Variants in DERA observed in about 807,000 individuals in gnomAD.
DERA encodes deoxyribose-phosphate aldolase, also known as 2-deoxy-D-ribose 5-phosphate aldolase.
A neutral mutation model predicts 41.1 loss-of-function variants in DERA; 15 were observed. That is an observed-to-expected ratio of 0.37 (90% confidence interval 0.24 to 0.56). The LOEUF is 0.56. Among genes scored for constraint, DERA ranks in the 20% least tolerant of loss-of-function variants. The probability of loss-of-function intolerance (pLI) is 0.81; values close to 1 mark genes in which losing one functional copy is unlikely to be tolerated. For missense variants in DERA, 396 were observed against 403.4 expected, an observed-to-expected ratio of 0.98 and a Z score of 0.16; for synonymous variants, 139 against 137.4, an observed-to-expected ratio of 1.01 and a Z score of -0.08.
chr12:15,942,267 T>G (rs1041245181), intron 1 of DERA, among the ~76,000 whole-genome samples: 1 of 152,224 alleles, frequency 6.6e-6, no homozygotes, highest in Non-Finnish European at 1.5e-5. Context: ...ATGCTATTCT[T>G]TTGTCGGATG....
At position 15,989,630 on chromosome 12, in the gene DERA, G is replaced by A. The variant is rs962921524; in HGVS notation, c.637+7194G>A. Among the ~76,000 whole-genome samples the A allele has an allele frequency of 3.9e-5, 6 of 152,174 alleles. No individual in the cohort carries two copies. The highest frequency in any genetic ancestry group is 3.8e-4 in the East Asian group (2 of 5,200). On this transcript the variant is annotated intron_variant, in intron 6 of 8. Transcript: ENST00000428559. The surrounding 1 kb of genome is among the most constrained non-coding windows in gnomAD (Gnocchi z 5.2). ...GGCGAGTCTGGTGACATTCTGTTAT[G>A]TCTGTTATTCTTCTCTGTTTTTGTT...
At chr12:15,963,019 G>GA (rs1948599180) in intron 5 of DERA, 72 bp downstream of exon 5, 4 of 1,536,560 alleles carry the variant, frequency 2.6e-6, no homozygotes, top group Non-Finnish European at 8.8e-7. Flanking sequence ...GGTAAGATGT[G>GA]GTATGTTTTA....
intron 1 of DERA, among the ~76,000 whole-genome samples, chr12:15,917,011 A>T (rs1948205500): frequency 6.6e-6 from 1 of 152,094 alleles, no homozygotes. Context: ...CTACGTCTGG[A>T]GTTTCTCTTA....
chr12:16,029,740 G>T (rs1439910395), intron 6 of DERA, among the ~76,000 whole-genome samples: 1 of 151,976 alleles, frequency 6.6e-6, no homozygotes, highest in Non-Finnish European at 1.5e-5. Flanking sequence ...TGTAGCTACT[G>T]CTGGGCTACT....
At chr12:15,926,563 C>T (rs58625897) in intron 1 of DERA, among the ~76,000 whole-genome samples, 1 of 151,696 alleles carries the variant, frequency 6.6e-6, no homozygotes, top group Non-Finnish European at 1.5e-5. Context: ...GGTGAAACAG[C>T]GTCTCTACTA....
intron 6 of DERA, among the ~76,000 whole-genome samples, chr12:15,991,716 CACATTT>C (rs1302927069): frequency 6.6e-6 from 1 of 152,122 alleles, no homozygotes; most frequent in Non-Finnish European, 1.5e-5. Flanking sequence ...ATGATCTATG[CACATTT>C]ACATTTAATC....
In DERA at chr12:15,957,504, T is replaced by G. The variant is rs1948548926; in HGVS notation, c.129+471T>G. On this transcript the variant is annotated intron_variant, in intron 2 of 8. Coordinates refer to ENST00000428559, the MANE Select transcript of DERA (RefSeq NM_015954.4). This position sits in a 1 kb window ranked among gnomAD's most constrained non-coding sequence, Gnocchi z 4.8. ...TCAAAATTCCAAAAATGATGTTTCG[T>G]AGAGTACTTGCGGTCAGCATTTTCT... Among the ~76,000 whole-genome samples the G allele has an allele frequency of 6.6e-6, 1 of 152,218 alleles. No individual in the cohort carries two copies. Among genetic ancestry groups the G allele is most frequent in the South Asian group, 2.1e-4 (1 of 4,830 alleles).
At position 16,009,565 on chromosome 12, in the gene DERA, C is replaced by T. The variant is rs184385458; in HGVS notation, c.638-22977C>T. Among the ~76,000 whole-genome samples the T allele has an allele frequency of 7.9e-5, 12 of 152,294 alleles. No individual in the cohort carries two copies. The highest frequency in any genetic ancestry group is 2.9e-4 in the African/African-American group (12 of 41,562). On this transcript the variant is annotated intron_variant, in intron 6 of 8. Transcript: ENST00000428559. The surrounding 1 kb of genome is among the most constrained non-coding windows in gnomAD (Gnocchi z 5.3). Reference sequence around the variant, plus strand: ...CTGTTCACTGTCTCTAACCCAGTTTCCCAAATGCCTTTTTACTTTGTAGGT... The same window carrying T: ...CTGTTCACTGTCTCTAACCCAGTTTTCCAAATGCCTTTTTACTTTGTAGGT...
intron 1 of DERA, among the ~76,000 whole-genome samples, chr12:15,953,896 T>C (rs1442871538): frequency 1.3e-5 from 2 of 152,186 alleles, no homozygotes; most frequent in African/African-American, 4.8e-5. Flanking sequence ...ACATAATTCA[T>C]TGCCATGGGA....
Position 15,980,577 on chromosome 12 carries a change from T to A in DERA, c.509-1731T>A, listed in dbSNP as rs3782536. On this transcript the variant is annotated intron_variant, in intron 5 of 8. Transcript: ENST00000428559. Reference sequence around the variant, plus strand: ...CCATAGTCTATTACTATTTTTAACATTCTTACACAGGTTGTCATATTGGAG... The same window carrying A: ...CCATAGTCTATTACTATTTTTAACAATCTTACACAGGTTGTCATATTGGAG... Among the ~76,000 whole-genome samples, 851 of 152,328 alleles carry A rather than the reference T, an allele frequency of 5.6e-3. 30 individuals carry two copies. In the East Asian group the frequency reaches 0.11, roughly 19 times the overall value.
rs530541080 is a variant in DERA at position 15,987,924 on chromosome 12, C to T, written c.637+5488C>T. On this transcript the variant is annotated intron_variant, in intron 6 of 8. Coordinates refer to ENST00000428559, the MANE Select transcript of DERA (RefSeq NM_015954.4). ...GGCAAGGGATGTGTGAGTGAGTGCA[C>T]GCGGGGTCCAGCCACTGTGCACAGC... Among the ~76,000 whole-genome samples, 94 of 152,196 alleles carry T rather than the reference C, an allele frequency of 6.2e-4. 1 individual carries two copies. Among genetic ancestry groups the T allele is most frequent in the Non-Finnish European group, 4.9e-4 (33 of 67,990 alleles).
chr12:16,015,373 G>GA (rs1176207891), intron 6 of DERA, among the ~76,000 whole-genome samples: 2 of 152,180 alleles, frequency 1.3e-5, no homozygotes, highest in Non-Finnish European at 2.9e-5. Context: ...TGCTGTTCTT[G>GA]TGACAGGAAG....
At chr12:15,963,807 C>T (rs1407307485) in intron 5 of DERA, among the ~76,000 whole-genome samples, 1 of 152,056 alleles carries the variant, frequency 6.6e-6, no homozygotes, top group Admixed American at 6.6e-5. Context: ...AGGATTTTAT[C>T]TCTTATTTAA....
chr12:15,992,173 C>T lies in DERA; in HGVS notation c.637+9737C>T, dbSNP rs1271374164. On this transcript the variant is annotated intron_variant, in intron 6 of 8. Transcript: ENST00000428559. The surrounding 1 kb of genome is among the most constrained non-coding windows in gnomAD (Gnocchi z 4.3). ...TATCAAACCTGGCATATAGTAGAGC[C>T]TAAGAATATATTTCCATATACACCA... is the stretch of plus-strand genomic sequence containing the variant. 6.6e-6 allele frequency among the ~76,000 whole-genome samples: 1 copy of T among 151,202 alleles called. No homozygotes were observed. The highest frequency in any genetic ancestry group is 1.5e-5 in the Non-Finnish European group (1 of 67,814).
chr12:15,970,840 C>CAA lies in DERA; in HGVS notation c.508+7894_508+7895dup, dbSNP rs1948654592. On this transcript the variant is annotated intron_variant, in intron 5 of 8. Transcript: ENST00000428559. This position sits in a 1 kb window ranked among gnomAD's most constrained non-coding sequence, Gnocchi z 4.3. The stretch of plus-strand genomic sequence containing the variant: ...AAATTCAGATTCCATTCCACCAAAG[C>CAA]AACATGAAAAAACCTAATGTCTAGT... 6.6e-6 allele frequency among the ~76,000 whole-genome samples: 1 copy of CAA among 152,136 alleles called. No individual in the cohort carries two copies. Among genetic ancestry groups the CAA allele is most frequent in the Non-Finnish European group, 1.5e-5 (1 of 68,014 alleles).
Position 15,943,122 on chromosome 12 carries a change from T to A in DERA, c.32-13814T>A, listed in dbSNP as rs1388398490. 6.6e-6 allele frequency among the ~76,000 whole-genome samples: 1 copy of A among 152,224 alleles called. No individual in the cohort carries two copies. Among genetic ancestry groups the A allele is most frequent in the Non-Finnish European group, 1.5e-5 (1 of 68,048 alleles). On this transcript the variant is annotated intron_variant, in intron 1 of 8. Transcript: ENST00000428559. The surrounding 1 kb of genome is among the most constrained non-coding windows in gnomAD (Gnocchi z 4.5). ...ACTCTTCCACACACTTACCTGAGGCTGTTTATGGGTAGTGAGCAGAGGAAG... is the reference window on the plus strand; with the variant it reads ...ACTCTTCCACACACTTACCTGAGGCAGTTTATGGGTAGTGAGCAGAGGAAG...
chr12:15,984,953 C>A lies in DERA; in HGVS notation c.637+2517C>A, dbSNP rs1264816294. On this transcript the variant is annotated intron_variant, in intron 6 of 8. Coordinates refer to ENST00000428559, the MANE Select transcript of DERA (RefSeq NM_015954.4). This position sits in a 1 kb window ranked among gnomAD's most constrained non-coding sequence, Gnocchi z 4.5. ...TCTGACTAAATTCTGTATTCTACTT[C>A]TGTGGTGGTATAAAAAATTTTTTCT... Among the ~76,000 whole-genome samples, 5 of 152,168 alleles carry A rather than the reference C, an allele frequency of 3.3e-5. No homozygotes were observed. Among genetic ancestry groups the A allele is most frequent in the African/African-American group, 9.7e-5 (4 of 41,434 alleles).
rs1948897201 is a variant in DERA at position 16,004,542 on chromosome 12, C to A, written c.637+22106C>A. Among the ~76,000 whole-genome samples the A allele has an allele frequency of 6.6e-6, 1 of 152,042 alleles. No individual in the cohort carries two copies. Among genetic ancestry groups the A allele is most frequent in the African/African-American group, 2.4e-5 (1 of 41,408 alleles). On this transcript the variant is annotated intron_variant, in intron 6 of 8. Coordinates refer to ENST00000428559, the MANE Select transcript of DERA (RefSeq NM_015954.4). The surrounding 1 kb of genome is among the most constrained non-coding windows in gnomAD (Gnocchi z 4.2). ...AGGAAAAGAGGCATCCCAGTACTTT[C>A]TGACAGAGGAAGAAAGAAAAGGACT...
At chr12:16,015,905 C>T (rs1331774347) in intron 6 of DERA, among the ~76,000 whole-genome samples, 2 of 152,128 alleles carry the variant, frequency 1.3e-5, no homozygotes, top group Admixed American at 6.5e-5. Context: ...TCCTTTCTCC[C>T]TCATGAACTC....
Sources: gnomAD v4.1 joint callset for allele counts (sites outside exome capture counted in the v4.1 genomes callset) on GRCh38, gnomAD v4.1.1 for gene constraint, Gnocchi (gnomAD v3.1) non-coding constraint, MANE v1.5 for transcripts, NCBI Gene and HGNC (gene_info 2026-07-23, HGNC 2026-07-21) for gene names.